Variants in DIS3L2 observed in about 807,000 individuals in gnomAD.
DIS3L2 encodes the protein DIS3-like exonuclease 2.
DIS3L2 carries 34 observed loss-of-function variants against 97.5 expected under a neutral mutation model. The observed-to-expected ratio is 0.35, with a 90% CI of 0.27 to 0.46. The LOEUF (loss-of-function observed/expected upper bound fraction) is 0.46. Among genes scored for constraint, DIS3L2 ranks in the 20% least tolerant of loss-of-function variants. DIS3L2 has a pLI of 1.00. For missense variants in DIS3L2, 1,038 were observed against 1,146.0 expected, an observed-to-expected ratio of 0.91 and a Z score of 1.36; for synonymous variants, 435 against 445.2, an observed-to-expected ratio of 0.98 and a Z score of 0.29.
At chr2:232,322,658 C>A (rs1695467843) in intron 14 of DIS3L2, among the ~76,000 whole-genome samples, 1 of 152,222 alleles carries the variant, frequency 6.6e-6, no homozygotes, top group African/African-American at 2.4e-5. Context: ...CACGTTCAAA[C>A]TTGCAGCAGC....
intron 3 of DIS3L2, among the ~76,000 whole-genome samples, chr2:232,023,317 A>G (rs754537745): frequency 9.9e-5 from 15 of 152,162 alleles, no homozygotes; most frequent in Non-Finnish European, 1.5e-4. Context: ...AAACTGTGGC[A>G]TGGACATTTG....
intron 1 of DIS3L2, among the ~76,000 whole-genome samples, chr2:232,003,489 A>T (rs1209546009): frequency 2.0e-5 from 3 of 152,184 alleles, no homozygotes; most frequent in African/African-American, 7.2e-5. Context: ...TTTCCTTAAA[A>T]TTTTTTACAA....
chr2:232,199,244 G>T (rs1691831711), intron 9 of DIS3L2, among the ~76,000 whole-genome samples: 1 of 152,158 alleles, frequency 6.6e-6, no homozygotes, highest in South Asian at 2.1e-4. Flanking sequence ...GTTTAGAAAA[G>T]AAAGGAATGG....
intron 6 of DIS3L2, among the ~76,000 whole-genome samples, chr2:232,111,649 G>A (rs910128075): frequency 2.2e-4 from 34 of 152,182 alleles, no homozygotes; most frequent in Non-Finnish European, 3.1e-4. Flanking sequence ...TTTTTAAATC[G>A]TATTTAATTT....
At chr2:232,329,785 T>TGCCGGGGGGGGCCCCCCC in intron 14 of DIS3L2, 28 bp from the exon 15 acceptor site, 4 of 967,136 alleles carry the variant, frequency 4.1e-6, no homozygotes, top group Non-Finnish European at 5.8e-6. Context: ...ACCCCAGCGG[T>TGCCGGGGGGGGCCCCCCC]CCCTCCCATC....
chr2:232,136,160 A>G (rs1698352923), intron 7 of DIS3L2, among the ~76,000 whole-genome samples: 1 of 152,226 alleles, frequency 6.6e-6, no homozygotes, highest in Admixed American at 6.5e-5. Flanking sequence ...AATGTGAAAC[A>G]AATACCTGGA....
rs181746190 is a variant in DIS3L2 at position 232,317,389 on chromosome 2, C to A, written c.1740-12424C>A. ...CTCCTGGGAGTATGCAGTATTTGCTCTTTTTTCCTCTCATGTTCTGTGTTC... is the reference window on the plus strand; with the variant it reads ...CTCCTGGGAGTATGCAGTATTTGCTATTTTTTCCTCTCATGTTCTGTGTTC... On this transcript the variant is annotated intron_variant, in intron 14 of 20. Coordinates refer to ENST00000325385, the MANE Select transcript of DIS3L2 (RefSeq NM_152383.5). Among the ~76,000 whole-genome samples, 321 of 152,208 alleles carry A rather than the reference C, an allele frequency of 2.1e-3. 6 individuals are homozygous for A. The highest frequency in any genetic ancestry group is 0.012 in the South Asian group (57 of 4,826).
chr2:231,998,608 T>C (rs1423880659), intron 1 of DIS3L2, among the ~76,000 whole-genome samples: 12 of 152,186 alleles, frequency 7.9e-5, no homozygotes, highest in Admixed American at 7.9e-4. Context: ...TCAAGATAGA[T>C]TTTCCTCTTT....
intron 8 of DIS3L2, among the ~76,000 whole-genome samples, chr2:232,155,446 G>T (rs1271910432): frequency 6.6e-6 from 1 of 152,024 alleles, no homozygotes; most frequent in Non-Finnish European, 1.5e-5. Context: ...TTCAGAAAGG[G>T]CTTATGAGAA....
intron 5 of DIS3L2, among the ~76,000 whole-genome samples, chr2:232,069,678 T>C (rs893622009): frequency 7.9e-5 from 12 of 152,324 alleles, no homozygotes; most frequent in Admixed American, 3.3e-4. Flanking sequence ...TGTTTTTGTT[T>C]TAATTTTTTA....
At chr2:232,048,972 G>A (rs3100616) in intron 5 of DIS3L2, among the ~76,000 whole-genome samples, 141,619 of 152,224 alleles carry the variant, frequency 0.93, 65,956 homozygotes, top group East Asian at 1. Flanking sequence ...CATATAGTTT[G>A]GTGTTCATAG....
Position 232,136,736 on chromosome 2 carries a change from A to G in DIS3L2, c.950+17A>G. 6.2e-7 allele frequency: 1 copy of G among 1,611,134 alleles called. No individual in the cohort carries two copies. The highest frequency in any genetic ancestry group is 8.5e-7 in the Non-Finnish European group (1 of 1,177,622). ...TGCCCTGGGGTAGGTGATCTCTGGT[A>G]GGAAAAACCACAGGTCACAGGCAGA... On this transcript the variant is annotated intron_variant, in intron 8 of 20. Transcript: ENST00000325385.
intron 1 of DIS3L2, among the ~76,000 whole-genome samples, chr2:231,999,636 C>G (rs1428288511): frequency 5.3e-5 from 8 of 152,070 alleles, no homozygotes; most frequent in Non-Finnish European, 1.2e-4. Flanking sequence ...TGGAATTGCT[C>G]ACTCATACTT....
intron 6 of DIS3L2, among the ~76,000 whole-genome samples, chr2:232,095,878 A>T (rs1048215536): frequency 6.6e-6 from 1 of 151,992 alleles, no homozygotes; most frequent in African/African-American, 2.4e-5. Flanking sequence ...CACTTTAAAC[A>T]TATTATGCCA....
chr2:232,274,345 C>T (rs901583028), intron 13 of DIS3L2, among the ~76,000 whole-genome samples: 3 of 152,184 alleles, frequency 2.0e-5, no homozygotes, highest in East Asian at 1.9e-4. Context: ...ACACACTGCA[C>T]GTCCTTGCCC....
At chr2:231,974,555 T>TTA (rs1693020612) in intron 1 of DIS3L2, among the ~76,000 whole-genome samples, 1 of 151,158 alleles carries the variant, frequency 6.6e-6, no homozygotes, top group African/African-American at 2.4e-5. Flanking sequence ...TTTTTTTTTT[T>TTA]AATATCCCAG....
At chr2:232,119,500 G>T (rs1370563108) in intron 6 of DIS3L2, among the ~76,000 whole-genome samples, 1 of 152,176 alleles carries the variant, frequency 6.6e-6, no homozygotes, top group Non-Finnish European at 1.5e-5. Context: ...GTCAGTTAAA[G>T]CCAGCTAGAG....
intron 5 of DIS3L2, among the ~76,000 whole-genome samples, chr2:232,057,909 A>T (rs1695593282): frequency 6.6e-6 from 1 of 152,188 alleles, no homozygotes; most frequent in Non-Finnish European, 1.5e-5. Context: ...TGCATTTATG[A>T]TTTGTGTATT....
chr2:232,222,557 G>A (rs1211031300), intron 10 of DIS3L2, among the ~76,000 whole-genome samples: 4 of 151,974 alleles, frequency 2.6e-5, no homozygotes, highest in African/African-American at 7.3e-5. Flanking sequence ...TGCAACCTCC[G>A]CCTCCCAGCT....
Sources: allele counts gnomAD v4.1 joint callset (sites outside exome capture counted in the v4.1 genomes callset), GRCh38; gene constraint gnomAD v4.1.1; transcripts MANE v1.5; gene names NCBI Gene and HGNC (gene_info 2026-07-23, HGNC 2026-07-21).